PPP2R1B: variants seen among roughly 807,000 people sequenced by gnomAD.
The protein encoded by PPP2R1B is protein phosphatase 2 scaffold subunit Abeta, also known as serine/threonine-protein phosphatase 2A 65 kDa regulatory subunit A beta isoform.
Under a neutral mutation model 72.7 loss-of-function variants are expected in PPP2R1B, and 58 were observed. The ratio of observed to expected loss-of-function variants is 0.80; its 90% CI spans 0.65 to 0.99. The LOEUF (loss-of-function observed/expected upper bound fraction) is 0.99, where lower values mean the gene tolerates loss of function less well. PPP2R1B is among the 50% of genes least tolerant of loss of function. The pLI, the probability that PPP2R1B is intolerant of heterozygous loss-of-function variation, is 0.00. For missense variants in PPP2R1B, 695 were observed against 733.6 expected (o/e 0.95, Z 0.61); for synonymous variants, 256 against 264.6 (o/e 0.97, Z 0.32).
At chr11:111,754,359 C>T in intron 8 of PPP2R1B, 140 bp downstream of exon 8, 1 of 1,162,044 alleles carries the variant, frequency 8.6e-7, no homozygotes, top group Non-Finnish European at 1.2e-6. Flanking sequence ...AACAATGTTG[C>T]ACATTAACAC....
the PPP2R1B span, among the ~76,000 whole-genome samples, chr11:111,713,092 G>A: frequency 6.6e-6 from 1 of 152,166 alleles, no homozygotes; most frequent in South Asian, 2.1e-4. Flanking sequence ...TTGAGCCCAG[G>A]GGGCCGAGGT....
the PPP2R1B span, among the ~76,000 whole-genome samples, chr11:111,714,156 C>T: frequency 5.9e-5 from 9 of 152,060 alleles, no homozygotes; most frequent in Admixed American, 5.9e-4. Context: ...ACAGTGGAGA[C>T]AAGACTGAAA....
chr11:111,741,393 G>A lies in PPP2R1B; in HGVS notation c.*203C>T. 1 of 1,395,662 alleles carries A rather than the reference G, an allele frequency of 7.2e-7. No individual in the cohort carries two copies. 86.5% of individuals were successfully genotyped at this position (1,395,662 alleles called of 1,614,324 possible). ...GGTCAATAAGAACGGCTTAAATAAT[G>A]ATTTAACAAGGAAGACGAGTAAAAA... On this transcript the variant is annotated 3_prime_UTR_variant, in exon 15 of 15. Coordinates refer to ENST00000527614, the MANE Select transcript of PPP2R1B (RefSeq NM_002716.5).
chr11:111,727,434 C>A, intron 15 of PPP2R1B: 1 of 229,660 alleles, frequency 4.4e-6, no homozygotes, highest in Non-Finnish European at 8.6e-6. Context: ...GACAGGAGCC[C>A]AAGACTGAAG....
downstream of PPP2R1B, chr11:111,737,336 G>C: frequency 6.6e-7 from 1 of 1,508,532 alleles, no homozygotes; most frequent in Non-Finnish European, 9.0e-7. Context: ...TGGGGACAAA[G>C]TGAGAGGTGC....
At chr11:111,688,701 A>T in the PPP2R1B span, among the ~76,000 whole-genome samples, 1 of 152,214 alleles carries the variant, frequency 6.6e-6, no homozygotes, top group Non-Finnish European at 1.5e-5. The surrounding 1 kb of genome is among the most constrained non-coding windows in gnomAD (Gnocchi z 4.2). Context: ...TTGCCTTTTC[A>T]CAGTTGTAAA....
chr11:111,736,130 T>C (rs1944333528), downstream of PPP2R1B, among the ~76,000 whole-genome samples: 1 of 152,018 alleles, frequency 6.6e-6, no homozygotes, highest in African/African-American at 2.4e-5. Flanking sequence ...CAAAAAACAA[T>C]GATAGCACCT....
chr11:111,698,642 C>T, the PPP2R1B span, among the ~76,000 whole-genome samples: 2 of 152,016 alleles, frequency 1.3e-5, no homozygotes, highest in East Asian at 1.9e-4. Context: ...GGTTGAGGTG[C>T]GAGGACTGCA....
chr11:111,713,950 G>C, the PPP2R1B span, among the ~76,000 whole-genome samples: 1 of 152,110 alleles, frequency 6.6e-6, no homozygotes, highest in Non-Finnish European at 1.5e-5. Flanking sequence ...CCAGGCGACA[G>C]TGCAAGACTG....
intron 3 of PPP2R1B, 129 bp from the exon 4 acceptor site, chr11:111,761,180 A>G: frequency 1.2e-6 from 1 of 836,784 alleles, no homozygotes; most frequent in Non-Finnish European, 2.0e-6. Context: ...ATCATACCAA[A>G]TGGTTACTTT....
chr11:111,689,166 A>C, the PPP2R1B span, among the ~76,000 whole-genome samples: 1 of 152,216 alleles, frequency 6.6e-6, no homozygotes, highest in African/African-American at 2.4e-5. Context: ...ATCTGTAGGC[A>C]TGCAGGATTG....
In PPP2R1B at chr11:111,753,570, AC is replaced by A; in HGVS notation, c.1036del (p.Val346TyrfsTer12). 1 of 1,601,162 alleles carries A rather than the reference AC, an allele frequency of 6.2e-7. No individual in the cohort carries two copies. The highest frequency in any genetic ancestry group is 1.1e-5 in the South Asian group (1 of 88,202). ...TTTGACATGTTGATTGGTATCGGAT[AC>A]TAATTCCTAAAATAAAATCGAAATT... ...NQILPYIKEL[V>X]SDTNQHVKSA... On this transcript the variant is annotated frameshift_variant, in exon 9 of 15. Coordinates refer to ENST00000527614, the MANE Select transcript of PPP2R1B (RefSeq NM_002716.5). LOFTEE classifies it high-confidence loss of function.
the PPP2R1B span, among the ~76,000 whole-genome samples, chr11:111,715,487 T>G: frequency 6.6e-6 from 1 of 152,230 alleles, no homozygotes; most frequent in African/African-American, 2.4e-5. Context: ...CAAAGAGACT[T>G]CAGCTCTCCT....
the PPP2R1B span, chr11:111,720,779 C>G: frequency 6.9e-5 from 109 of 1,575,080 alleles, no homozygotes; most frequent in African/African-American, 9.5e-5. Flanking sequence ...ACTTCCTCCT[C>G]TGCTTTTTGA....
the PPP2R1B span, among the ~76,000 whole-genome samples, chr11:111,712,967 C>A: frequency 6.6e-6 from 1 of 152,126 alleles, no homozygotes; most frequent in Non-Finnish European, 1.5e-5. Context: ...GAGTTCCAGA[C>A]CACCTTGGGC....
downstream of PPP2R1B, chr11:111,724,365 G>A: frequency 1.8e-6 from 1 of 566,388 alleles, no homozygotes; most frequent in Non-Finnish European, 3.1e-6. Context: ...TGAGGCTCCT[G>A]CCCTTCGGTC....
At chr11:111,700,107 T>C in the PPP2R1B span, among the ~76,000 whole-genome samples, 2 of 152,238 alleles carry the variant, frequency 1.3e-5, no homozygotes, top group African/African-American at 2.4e-5. Flanking sequence ...CTTGCATTTG[T>C]AACAATACTT....
intron 5 of PPP2R1B, among the ~76,000 whole-genome samples, chr11:111,758,733 G>A (rs1945220396): frequency 1.3e-5 from 2 of 152,158 alleles, no homozygotes; most frequent in Admixed American, 1.3e-4. Flanking sequence ...AATCCATGGA[G>A]GGATTCTGGG....
chr11:111,724,252 C>T, downstream of PPP2R1B: 6 of 1,359,226 alleles, frequency 4.4e-6, no homozygotes, highest in Non-Finnish European at 5.9e-6. Flanking sequence ...AATCGAGCCA[C>T]CCAACTGGAA....
Sources: allele counts gnomAD v4.1 joint callset (sites outside exome capture counted in the v4.1 genomes callset), GRCh38; gene constraint gnomAD v4.1.1; non-coding constraint Gnocchi (gnomAD v3.1); transcripts MANE v1.5; gene names NCBI Gene and HGNC (gene_info 2026-07-23, HGNC 2026-07-21).